Variants in JAM2 observed in about 807,000 individuals in gnomAD.
JAM2 encodes junctional adhesion molecule B.
In JAM2, 17 loss-of-function variants were observed where a neutral mutation model predicts 42.0. The observed-to-expected ratio is 0.40, with a 90% CI of 0.28 to 0.61. The LOEUF (loss-of-function observed/expected upper bound fraction) is 0.61, where lower values mean the gene tolerates loss of function less well. Ranked by LOEUF, JAM2 falls within the 20% of genes least tolerant of loss-of-function variation. JAM2 has a pLI of 0.37. For missense variants in JAM2, 319 were observed against 358.3 expected, an observed-to-expected ratio of 0.89 and a Z score of 0.89; for synonymous variants, 118 against 128.6, an observed-to-expected ratio of 0.92 and a Z score of 0.56.
rs2033131177 is a variant in JAM2, at chr21:25,663,069, G to A, written c.68-20814G>A. On this transcript the variant is annotated intron_variant, in intron 1 of 9. Coordinates refer to ENST00000480456, the MANE Select transcript of JAM2 (RefSeq NM_021219.4). The stretch of plus-strand genomic sequence containing the variant: ...GTTAAGTCAGGTGTTAAATAACATA[G>A]AAGTTCATCATTCGGCAGGGGAGTG... Among the ~76,000 whole-genome samples the A allele has an allele frequency of 2.6e-5, 4 of 152,294 alleles. 1 individual carries two copies. In the South Asian group the frequency reaches 8.3e-4, roughly 32 times the overall value.
At chr21:25,652,785 A>G (rs1251582800) in intron 1 of JAM2, among the ~76,000 whole-genome samples, 1 of 152,202 alleles carries the variant, frequency 6.6e-6, no homozygotes, top group East Asian at 1.9e-4. Flanking sequence ...CCTCTTTTCA[A>G]AGCTGCTTTT....
intron 1 of JAM2, among the ~76,000 whole-genome samples, chr21:25,681,377 G>T (rs1399077936): frequency 6.6e-6 from 1 of 152,176 alleles, no homozygotes; most frequent in Non-Finnish European, 1.5e-5. Flanking sequence ...CGTGGCAGAA[G>T]GGGAAGCAAA....
Position 25,706,018 on chromosome 21 carries a change from T to C in JAM2, c.737T>C (p.Val246Ala). ...NISGIIAAVV[V>A]VALVISVCGL... Reference sequence around the variant, plus strand: ...AGTGGCATCATAGCAGCCGTAGTAGTTGTGGCCTTAGTGATTTCCGTTTGT... The same window carrying C: ...AGTGGCATCATAGCAGCCGTAGTAGCTGTGGCCTTAGTGATTTCCGTTTGT... Residue 246 changes from valine (V) to alanine (A), a missense_variant, in exon 7 of 10, where the codon GTT (valine) becomes GCT (alanine). Coordinates refer to ENST00000480456, the MANE Select transcript of JAM2 (RefSeq NM_021219.4). 6.2e-7 allele frequency: 1 copy of C among 1,613,932 alleles called. No individual in the cohort carries two copies. Among genetic ancestry groups the C allele is most frequent in the Non-Finnish European group, 8.5e-7 (1 of 1,179,788 alleles).
rs1006942118 is a variant in JAM2 at position 25,684,907 on chromosome 21, A to G, written c.133+959A>G. ...ACAACCACACCTGCCCTATAAGTTTATTTCAAATATTGATCACCTACTACT... is the reference window on the plus strand; with the variant it reads ...ACAACCACACCTGCCCTATAAGTTTGTTTCAAATATTGATCACCTACTACT... On this transcript the variant is annotated intron_variant, in intron 2 of 9. Transcript: ENST00000480456. Among the ~76,000 whole-genome samples the G allele has an allele frequency of 2.6e-5, 4 of 152,204 alleles. No individual in the cohort carries two copies. The East Asian group carries it at 7.7e-4, about 29-fold the overall frequency.
At chr21:25,643,018 T>C (rs1172650147) in intron 1 of JAM2, among the ~76,000 whole-genome samples, 2 of 152,228 alleles carry the variant, frequency 1.3e-5, no homozygotes, top group Non-Finnish European at 2.9e-5. Context: ...GGTCTCTTTG[T>C]AAGCGCACTG....
At chr21:25,709,523 C>T in intron 8 of JAM2, 74 bp downstream of exon 8, 1 of 998,110 alleles carries the variant, frequency 1.0e-6, no homozygotes, top group Non-Finnish European at 1.5e-6. Flanking sequence ...TGTTTAAAGT[C>T]AAAAGAGAGA....
intron 1 of JAM2, among the ~76,000 whole-genome samples, chr21:25,662,687 C>A (rs1348934298): frequency 1.3e-5 from 2 of 152,030 alleles, no homozygotes; most frequent in African/African-American, 4.8e-5. Flanking sequence ...ATACATTAAA[C>A]AATAGACAGT....
intron 2 of JAM2, among the ~76,000 whole-genome samples, chr21:25,685,934 C>T (rs1180371286): frequency 6.6e-6 from 1 of 152,180 alleles, no homozygotes; most frequent in Non-Finnish European, 1.5e-5. Flanking sequence ...GATGTATATC[C>T]TCTCCCATCA....
chr21:25,639,933 GC>G, intron 1 of JAM2, 45 bp downstream of exon 1: 2 of 1,380,030 alleles, frequency 1.4e-6, no homozygotes, highest in Non-Finnish European at 1.0e-6. Flanking sequence ...GGACCAGCCT[GC>G]CCCCACCCTC....
At position 25,639,859 on chromosome 21, in the gene JAM2, T is replaced by G; in HGVS notation, c.38T>G (p.Leu13Arg). The G allele has an allele frequency of 6.3e-7, 1 of 1,595,550 alleles. No individual in the cohort carries two copies. The highest frequency in any genetic ancestry group is 8.5e-7 in the Non-Finnish European group (1 of 1,172,540). ...AGCCGCCACCGCCTCCTCCTGCTGC[T>G]GCTGCGCTACCTGGTGGTCGCCCTG... is the stretch of plus-strand genomic sequence containing the variant. ...RRSRHRLLLL[L>R]LRYLVVALGY... Residue 13 changes from leucine (L) to arginine (R), a missense_variant, in exon 1 of 10, where the codon CTG (leucine) becomes CGG (arginine). Transcript: ENST00000480456.
intron 1 of JAM2, among the ~76,000 whole-genome samples, chr21:25,641,124 C>A (rs1222478803): frequency 1.1e-4 from 16 of 152,062 alleles, no homozygotes. Flanking sequence ...TTGTGCAATT[C>A]TGAAATATCA....
At chr21:25,663,174 T>C (rs1457197059) in intron 1 of JAM2, among the ~76,000 whole-genome samples, 3 of 152,124 alleles carry the variant, frequency 2.0e-5, no homozygotes, top group Non-Finnish European at 4.4e-5. Flanking sequence ...ATGGGTGCCT[T>C]GAACATAGGG....
chr21:25,640,003 CG>C, intron 1 of JAM2, 115 bp downstream of exon 1: 2 of 681,900 alleles, frequency 2.9e-6, no homozygotes. Flanking sequence ...GAGGTCGCCG[CG>C]GGGCGTCTGA....
At chr21:25,684,428 C>T (rs1402449395) in intron 2 of JAM2, among the ~76,000 whole-genome samples, 1 of 152,112 alleles carries the variant, frequency 6.6e-6, no homozygotes, top group African/African-American at 2.4e-5. Flanking sequence ...TAAAATAGTT[C>T]TGGAGATTGT....
intron 2 of JAM2, 60 bp downstream of exon 2, chr21:25,684,008 C>A: frequency 9.6e-7 from 1 of 1,046,176 alleles, no homozygotes; most frequent in Non-Finnish European, 1.4e-6. Flanking sequence ...GAGAGTGACT[C>A]GTGTGATGTT....
intron 1 of JAM2, 58 bp from the exon 2 acceptor site, chr21:25,683,825 A>C (rs2033690539): frequency 3.2e-6 from 4 of 1,257,450 alleles, no homozygotes; most frequent in Middle Eastern, 2.0e-4. Flanking sequence ...TCCCATTCAG[A>C]CATTTGAAAA....
intron 1 of JAM2, among the ~76,000 whole-genome samples, chr21:25,649,319 G>A (rs946852575): frequency 1.3e-5 from 2 of 152,182 alleles, no homozygotes; most frequent in African/African-American, 4.8e-5. Flanking sequence ...GGAGGCCTCA[G>A]GAAACTTACA....
chr21:25,651,059 G>A (rs373002555), intron 1 of JAM2, among the ~76,000 whole-genome samples: 4 of 19,406 alleles, frequency 2.1e-4, no homozygotes, highest in East Asian at 1.7e-3. Context: ...ACCTCCCCCC[G>A]CCAAAAAAAA....
intron 1 of JAM2, among the ~76,000 whole-genome samples, chr21:25,660,390 T>C (rs2033046880): frequency 6.6e-6 from 1 of 152,198 alleles, no homozygotes; most frequent in African/African-American, 2.4e-5. Context: ...GAGAGTGTGC[T>C]CAAGGAATTA....
Sources: gnomAD v4.1 joint callset for allele counts (sites outside exome capture counted in the v4.1 genomes callset) on GRCh38, gnomAD v4.1.1 for gene constraint, MANE v1.5 for transcripts, NCBI Gene and HGNC (gene_info 2026-07-23, HGNC 2026-07-21) for gene names.